UVRAG: variants seen among roughly 807,000 people sequenced by gnomAD.
UVRAG encodes the protein UV radiation resistance-associated gene protein.
In UVRAG, 19 loss-of-function variants were observed where a neutral mutation model predicts 78.0. That is an observed-to-expected ratio of 0.24 (90% CI 0.17 to 0.36). The LOEUF (loss-of-function observed/expected upper bound fraction) is 0.36, where lower values mean the gene tolerates loss of function less well. Among genes scored for constraint, UVRAG ranks in the 10% least tolerant of loss-of-function variants. UVRAG has a pLI of 1.00. For missense variants in UVRAG, 740 were observed against 853.8 expected (o/e 0.87, Z 1.66); for synonymous variants, 323 against 324.6 (o/e 1.00, Z 0.05).
At chr11:76,082,560 C>T (rs1008345837) in intron 13 of UVRAG, among the ~76,000 whole-genome samples, 1 of 91,722 alleles carries the variant, frequency 1.1e-5, no homozygotes, top group African/African-American at 4.1e-5. Context: ...AAAAAAAAAA[C>T]ATAGGTAACA....
At chr11:75,872,016 T>TG (rs779057947) in intron 3 of UVRAG, among the ~76,000 whole-genome samples, 1 of 152,236 alleles carries the variant, frequency 6.6e-6, no homozygotes, top group Non-Finnish European at 1.5e-5. Flanking sequence ...GAACAAGTAT[T>TG]GGAGTCTTTT....
In UVRAG at chr11:76,046,362, C is replaced by T. The variant is rs573385811; in HGVS notation, c.1227-19348C>T. ...CGCACTGGCCAATGGAGCAAGAGAT[C>T]GAAGGCACCAAGAAAGAGTGAAACT... is the stretch of plus-strand genomic sequence containing the variant. On this transcript the variant is annotated intron_variant, in intron 12 of 14. Coordinates refer to ENST00000356136, the MANE Select transcript of UVRAG (RefSeq NM_003369.4). Among the ~76,000 whole-genome samples the T allele has an allele frequency of 1.8e-4, 28 of 152,078 alleles. No homozygotes were observed. In the South Asian group the frequency reaches 5.6e-3, roughly 30 times the overall value.
intron 5 of UVRAG, among the ~76,000 whole-genome samples, chr11:75,904,416 A>G (rs1368951926): frequency 6.6e-6 from 1 of 152,196 alleles, no homozygotes. Flanking sequence ...GTTTCTTTCC[A>G]TTATAATCCT....
chr11:76,094,134 G>T (rs1194328306), intron 13 of UVRAG, among the ~76,000 whole-genome samples: 1 of 152,102 alleles, frequency 6.6e-6, no homozygotes, highest in Non-Finnish European at 1.5e-5. Context: ...TTTTGTCTTT[G>T]GTTCTGTTTA....
rs138029299 is a variant in UVRAG, at chr11:76,086,924, G to A, written c.1305+21136G>A. On this transcript the variant is annotated intron_variant, in intron 13 of 14. Coordinates refer to ENST00000356136, the MANE Select transcript of UVRAG (RefSeq NM_003369.4). ...TGAATTCTAGCTGTTGCTGTTTATA[G>A]CAAGAAATAGCATCCCAGCTGAGGC... 1.6e-4 allele frequency among the ~76,000 whole-genome samples: 25 copies of A among 152,288 alleles called. No homozygotes were observed. The East Asian group carries it at 1.9e-3, about 12-fold the overall frequency.
intron 6 of UVRAG, among the ~76,000 whole-genome samples, chr11:75,922,228 G>T (rs1723703386): frequency 6.6e-6 from 1 of 151,966 alleles, no homozygotes; most frequent in African/African-American, 2.4e-5. Flanking sequence ...CCTTCAACAA[G>T]ATTGTAGTTC....
intron 7 of UVRAG, among the ~76,000 whole-genome samples, chr11:75,979,125 G>A (rs925856895): frequency 6.6e-6 from 1 of 152,192 alleles, no homozygotes; most frequent in Non-Finnish European, 1.5e-5. Flanking sequence ...GTCTGTTGGA[G>A]TTTGCTGGAG....
intron 8 of UVRAG, among the ~76,000 whole-genome samples, chr11:76,000,832 A>G (rs887131113): frequency 6.6e-6 from 1 of 152,196 alleles, no homozygotes; most frequent in Non-Finnish European, 1.5e-5. Context: ...AATTCTAAAT[A>G]TGTGTGAACA....
chr11:75,892,651 C>G (rs1947239221), intron 5 of UVRAG, among the ~76,000 whole-genome samples: 1 of 152,090 alleles, frequency 6.6e-6, no homozygotes, highest in South Asian at 2.1e-4. Context: ...TGTACTTTCC[C>G]CTATTGTCCT....
Position 76,140,692 on chromosome 11 carries a change from G to GT in UVRAG, c.1398-14dup. 6.5e-7 allele frequency: 1 copy of GT among 1,542,414 alleles called. No individual in the cohort carries two copies. The highest frequency in any genetic ancestry group is 1.4e-5 in the African/African-American group (1 of 72,328). ...GTTCTGAAGTCCAAAGTAACTTCTT[G>GT]TTTTTGTTTCTCTTCTAGTGACAGA... On this transcript the variant is annotated intron_variant, in intron 14 of 14. Coordinates refer to ENST00000356136, the MANE Select transcript of UVRAG (RefSeq NM_003369.4).
chr11:75,917,502 T>C (rs570571358), intron 6 of UVRAG, among the ~76,000 whole-genome samples: 4 of 152,372 alleles, frequency 2.6e-5, no homozygotes, highest in Admixed American at 6.5e-5. Flanking sequence ...AGGTACTCTC[T>C]TGTGTTACTA....
Position 76,046,756 on chromosome 11 carries a change from G to A in UVRAG, c.1227-18954G>A, listed in dbSNP as rs112713128. ...AGATCATTTTTAAAGCCATAGGGTC[G>A]AGAAACAGGAATAAAAGGATATTAA... On this transcript the variant is annotated intron_variant, in intron 12 of 14. Transcript: ENST00000356136. Among the ~76,000 whole-genome samples the A allele has an allele frequency of 2.2e-3, 342 of 152,040 alleles. 1 individual carries two copies. Among genetic ancestry groups the A allele is most frequent in the African/African-American group, 7.9e-3 (328 of 41,454 alleles).
At chr11:75,851,275 G>T (rs942682443) in intron 1 of UVRAG, among the ~76,000 whole-genome samples, 4 of 152,226 alleles carry the variant, frequency 2.6e-5, no homozygotes, top group Admixed American at 2.6e-4. Flanking sequence ...TCTGGTTGGA[G>T]AAATTGTTAG....
At position 76,051,461 on chromosome 11, in the gene UVRAG, T is replaced by C. The variant is rs1365201620; in HGVS notation, c.1227-14249T>C. On this transcript the variant is annotated intron_variant, in intron 12 of 14. Coordinates refer to ENST00000356136, the MANE Select transcript of UVRAG (RefSeq NM_003369.4). Reference sequence around the variant, plus strand: ...ACTGAAATTTGCCTGTGGACTGTTTTTCAACAGTTACAAAAAGGGTGTGGA... The same window carrying C: ...ACTGAAATTTGCCTGTGGACTGTTTCTCAACAGTTACAAAAAGGGTGTGGA... Among the ~76,000 whole-genome samples, 8 of 152,184 alleles carry C rather than the reference T, an allele frequency of 5.3e-5. No homozygotes were observed. In the East Asian group the frequency reaches 1.5e-3, roughly 29 times the overall value.
chr11:75,933,261 A>C (rs770918525), intron 6 of UVRAG, among the ~76,000 whole-genome samples: 2 of 152,230 alleles, frequency 1.3e-5, no homozygotes, highest in Non-Finnish European at 2.9e-5. Context: ...TTGGAGAAAG[A>C]TCAGTCTCAT....
At chr11:75,983,626 T>C (rs1283287419) in intron 8 of UVRAG, 113 bp downstream of exon 8, 11 of 1,324,920 alleles carry the variant, frequency 8.3e-6, no homozygotes, top group Non-Finnish European at 1.1e-5. Context: ...ACACATCACT[T>C]AATGACAGGG....
chr11:76,009,545 A>G lies in UVRAG; in HGVS notation c.1060+678A>G, dbSNP rs145620573. On this transcript the variant is annotated intron_variant, in intron 11 of 14. Transcript: ENST00000356136. ...TAAACAATGCTTTGAGGCCTACTAA[A>G]TATCTTTATAGATTATTCCCAAGCC... Among the ~76,000 whole-genome samples the G allele has an allele frequency of 3.3e-3, 507 of 152,282 alleles. 2 individuals carry two copies. The highest frequency in any genetic ancestry group is 5.5e-3 in the Non-Finnish European group (372 of 68,010).
At chr11:76,078,949 G>T (rs1951450459) in intron 13 of UVRAG, among the ~76,000 whole-genome samples, 3 of 151,280 alleles carry the variant, frequency 2.0e-5, no homozygotes, top group Admixed American at 1.3e-4. Flanking sequence ...GAAATTTCAG[G>T]GTTATATTCC....
At chr11:75,864,921 A>T (rs1946504472) in intron 3 of UVRAG, among the ~76,000 whole-genome samples, 1 of 152,148 alleles carries the variant, frequency 6.6e-6, no homozygotes, top group African/African-American at 2.4e-5. Context: ...TTATATTCTG[A>T]GCTTGGTTCT....
Sources: allele counts gnomAD v4.1 joint callset (sites outside exome capture counted in the v4.1 genomes callset), GRCh38; gene constraint gnomAD v4.1.1; transcripts MANE v1.5; gene names NCBI Gene and HGNC (gene_info 2026-07-23, HGNC 2026-07-21).